SARS2: variants seen among roughly 807,000 people sequenced by gnomAD.
The protein encoded by SARS2 is serine--tRNA ligase, mitochondrial.
A neutral mutation model predicts 66.8 loss-of-function variants in SARS2; 52 were observed. The observed-to-expected ratio is 0.78, with a 90% CI of 0.62 to 0.98. The LOEUF is 0.98. SARS2 is among the 50% of genes least tolerant of loss of function. The pLI is 0.00. For missense variants in SARS2, 673 were observed against 706.3 expected (o/e 0.95, Z 0.53); for synonymous variants, 306 against 281.4 (o/e 1.09, Z -0.87).
intron 2 of SARS2, 62 bp downstream of exon 2, chr19:38,926,143 G>A: frequency 7.3e-7 from 1 of 1,372,400 alleles, no homozygotes; most frequent in Admixed American, 1.7e-5. Context: ...TCGGTTTCCT[G>A]TTACCTGTGT....
intron 7 of SARS2, among the ~76,000 whole-genome samples, chr19:38,919,286 C>CA (rs932979259): frequency 5.9e-5 from 9 of 152,104 alleles, no homozygotes; most frequent in Non-Finnish European, 1.2e-4. Context: ...GACTCCGTCT[C>CA]AAAAAACAAA....
At chr19:38,928,418 C>CTG (rs1974666779) in intron 1 of SARS2, 3 of 81,866 alleles carry the variant, frequency 3.7e-5, no homozygotes, top group African/African-American at 7.4e-5. Context: ...ACCCCTGGCC[C>CTG]CCCCCCCCGC....
chr19:38,921,619 C>G lies in SARS2; in HGVS notation c.442G>C (p.Glu148Gln). ...LRARGREIRKELVHLYPREAQ... is the reference protein window; with the variant it reads ...LRARGREIRKQLVHLYPREAQ... Reference sequence around the variant, plus strand: ...TCCCTGGGGTACAGGTGAACAAGCTCCTTCCGGATCTCCCGGCCACGTGCC... The same window carrying G: ...TCCCTGGGGTACAGGTGAACAAGCTGCTTCCGGATCTCCCGGCCACGTGCC... The change falls in exon 4 of 16, where the codon GAG becomes CAG. Residue 148 changes from glutamate (E) to glutamine (Q), a missense_variant. Physicochemically the swap from Glu to Gln is conservative, Grantham distance 29. Coordinates refer to ENST00000221431, the MANE Select transcript of SARS2 (RefSeq NM_017827.4). The G allele has an allele frequency of 8.7e-6, 14 of 1,614,232 alleles. No individual in the cohort carries two copies. Among genetic ancestry groups the G allele is most frequent in the Non-Finnish European group, 1.1e-5 (13 of 1,180,034 alleles).
Position 38,919,763 on chromosome 19 carries a change from C to G in SARS2, c.758G>C (p.Arg253Pro), listed in dbSNP as rs185053576. Residue 253 changes from arginine (R) to proline (P), a missense_variant and splice_region_variant, in exon 7 of 16, where the codon CGG becomes CCG. By Grantham distance (103) the Arg-to-Pro change is moderately radical (BLOSUM62 -2). Coordinates refer to ENST00000221431, the MANE Select transcript of SARS2 (RefSeq NM_017827.4). ...VNFTFNKLLR[R>P]GFTPMTVPDL... is the part of the protein sequence containing the mutation. ...CAGCCCTCCTATCTTGGCCCATACC[C>G]GGCGGAGAAGCTTGTTGAATGTGAA... is the stretch of plus-strand genomic sequence containing the variant. 3.1e-6 allele frequency: 5 copies of G among 1,613,668 alleles called. No individual in the cohort carries two copies. Among genetic ancestry groups the G allele is most frequent in the Non-Finnish European group, 4.2e-6 (5 of 1,179,660 alleles).
intron 1 of SARS2, among the ~76,000 whole-genome samples, chr19:38,928,845 G>A (rs1199960402): frequency 6.6e-6 from 1 of 152,138 alleles, no homozygotes; most frequent in Non-Finnish European, 1.5e-5. Flanking sequence ...GAGTATATCT[G>A]TCTCTATGAA....
intron 4 of SARS2, 32 bp downstream of exon 4, chr19:38,921,495 C>A: frequency 6.2e-7 from 1 of 1,614,172 alleles, no homozygotes; most frequent in South Asian, 1.1e-5. Flanking sequence ...AGGTGGGCCC[C>A]TGGCCTCCCT....
At chr19:38,917,072 C>T (rs1410882413) in intron 12 of SARS2, among the ~76,000 whole-genome samples, 11 of 152,016 alleles carry the variant, frequency 7.2e-5, no homozygotes, top group African/African-American at 2.4e-4. Flanking sequence ...AAGCAATTCT[C>T]CTGCCTCAGT....
At chr19:38,923,135 G>A (rs1320835242) in intron 2 of SARS2, among the ~76,000 whole-genome samples, 2 of 150,198 alleles carry the variant, frequency 1.3e-5, no homozygotes, top group Non-Finnish European at 2.9e-5. Flanking sequence ...TCGATCTCCT[G>A]ACTTTGTGAT....
intron 2 of SARS2, 67 bp from the exon 3 acceptor site, chr19:38,922,334 G>A (rs761031564): frequency 1.3e-6 from 2 of 1,512,104 alleles, no homozygotes; most frequent in Admixed American, 1.7e-5. Context: ...AGAAAAAATG[G>A]TGAAAGGTCA....
chr19:38,918,881 A>C (rs1239197994), intron 7 of SARS2, 68 bp from the exon 8 acceptor site: 1 of 1,477,848 alleles, frequency 6.8e-7, no homozygotes, highest in Non-Finnish European at 9.3e-7. Context: ...AGCCCTGAAG[A>C]AGGGGTGCTG....
At chr19:38,926,165 C>A in intron 2 of SARS2, 40 bp downstream of exon 2, 1 of 1,522,146 alleles carries the variant, frequency 6.6e-7, no homozygotes, top group Non-Finnish European at 9.0e-7. Flanking sequence ...TAGAGACACC[C>A]TCGTGGCCAC....
At chr19:38,930,252 G>A in intron 1 of SARS2, 2 of 604,360 alleles carry the variant, frequency 3.3e-6, no homozygotes, top group Non-Finnish European at 5.7e-6. Flanking sequence ...CGCATAATGG[G>A]TGTCCAGGAC....
intron 3 of SARS2, chr19:38,921,997 C>T (rs1163911174): frequency 2.6e-6 from 4 of 1,552,028 alleles, no homozygotes; most frequent in South Asian, 1.2e-5. Context: ...TTGCCTCCTA[C>T]TTACACAAGG....
Position 38,920,299 on chromosome 19 carries a change from G to A in SARS2, c.590-150C>T, listed in dbSNP as rs74823474. 2.1e-3 allele frequency: 1,434 copies of A among 693,088 alleles called. 22 individuals are homozygous for A. In the African/African-American group the frequency reaches 0.022, roughly 11 times the overall value. 42.9% of individuals were successfully genotyped at this position (693,088 alleles called of 1,614,324 possible). ...AGAAGGGAGAAGAAGACACGGAAAG[G>A]GAGGGAAAGGGAAGAAAAGACAGAC... On this transcript the variant is annotated intron_variant, in intron 5 of 15. Transcript: ENST00000221431.
Position 38,930,645 on chromosome 19 carries a change from C to G in SARS2, c.92G>C (p.Arg31Thr), listed in dbSNP as rs765150934. The G allele has an allele frequency of 6.2e-7, 1 of 1,614,140 alleles. No individual in the cohort carries two copies. Among genetic ancestry groups the G allele is most frequent in the East Asian group, 2.2e-5 (1 of 44,888 alleles). ...TCGTTTCTCTGTAGTGAAACTTCTCCTTGGACTATCGTTGGAGATGCAGCC... is the reference window on the plus strand; with the variant it reads ...TCGTTTCTCTGTAGTGAAACTTCTCGTTGGACTATCGTTGGAGATGCAGCC... ...RGGCISNDSPRRSFTTEKRNR... is the reference protein window; with the variant it reads ...RGGCISNDSPTRSFTTEKRNR... The change falls in exon 1 of 16, where the codon AGG becomes ACG. Residue 31 changes from arginine (R) to threonine (T), a missense_variant. Coordinates refer to ENST00000221431, the MANE Select transcript of SARS2 (RefSeq NM_017827.4).
chr19:38,926,257 CG>C lies in SARS2; in HGVS notation c.310del (p.Arg104GlyfsTer10). 6.2e-7 allele frequency: 1 copy of C among 1,606,066 alleles called. No individual in the cohort carries two copies. Among genetic ancestry groups the C allele is most frequent in the South Asian group, 1.1e-5 (1 of 91,088 alleles). ...QELRQLQEQI[R>X]SLEEEKAAVT... ...AGCTGCCTTCTCTTCCTCCAGGCTC[CG>C]GATCTGCTCCTGCAGCTGCCTCAGC... On this transcript the variant is annotated frameshift_variant, in exon 2 of 16. Coordinates refer to ENST00000221431, the MANE Select transcript of SARS2 (RefSeq NM_017827.4). LOFTEE classifies it high-confidence loss of function.
intron 1 of SARS2, 33 bp downstream of exon 1, chr19:38,930,437 T>C (rs759856781): frequency 6.3e-7 from 1 of 1,575,682 alleles, no homozygotes; most frequent in Admixed American, 1.8e-5. Flanking sequence ...AAAGCAAACG[T>C]CTGCGCCCCC....
chr19:38,924,789 C>T lies in SARS2; in HGVS notation c.363+1416G>A, dbSNP rs529132956. Among the ~76,000 whole-genome samples the T allele has an allele frequency of 4.6e-5, 7 of 152,252 alleles. No homozygotes were observed. In the East Asian group the frequency reaches 9.6e-4, roughly 21 times the overall value. On this transcript the variant is annotated intron_variant, in intron 2 of 15. Transcript: ENST00000221431. ...CCCAGAGTAGCTGGGACTACAAGTG[C>T]GTACCCCCATACCCGGCCATTTAGG... is the stretch of plus-strand genomic sequence containing the variant.
rs531119071 is a variant in SARS2 at position 38,923,473 on chromosome 19, C to T, written c.364-1206G>A. Among the ~76,000 whole-genome samples, 235 of 125,890 alleles carry T rather than the reference C, an allele frequency of 1.9e-3. No individual in the cohort carries two copies. The Middle Eastern group carries it at 0.039, about 21-fold the overall frequency. 82.6% of individuals were successfully genotyped at this position (125,890 alleles called of 152,430 possible). Reference sequence around the variant, plus strand: ...TCCTGACCTCGTGATCCGCCCACCTCGGCCTCCCAAAGTGCTGGGATTACA... The same window carrying T: ...TCCTGACCTCGTGATCCGCCCACCTTGGCCTCCCAAAGTGCTGGGATTACA... On this transcript the variant is annotated intron_variant, in intron 2 of 15. Transcript: ENST00000221431.
Sources: allele counts gnomAD v4.1 joint callset (sites outside exome capture counted in the v4.1 genomes callset), GRCh38; gene constraint gnomAD v4.1.1; transcripts MANE v1.5; gene names NCBI Gene and HGNC (gene_info 2026-07-23, HGNC 2026-07-21).